The following GIPC2 variants were observed in gnomAD, a reference collection of about 807,000 sequenced individuals.
GIPC2 encodes the protein PDZ domain-containing protein GIPC2.
GIPC2 carries 30 observed loss-of-function variants against 30.6 expected under a neutral mutation model. That is an observed-to-expected ratio of 0.98 (90% CI 0.73 to 1.33). The LOEUF (loss-of-function observed/expected upper bound fraction) is 1.33. Ranked by LOEUF, GIPC2 falls within the 40% of genes most tolerant of loss-of-function variation. GIPC2 has a pLI of 0.00. For missense variants in GIPC2, 414 were observed against 390.3 expected (o/e 1.06, Z -0.51); for synonymous variants, 167 against 150.0 (o/e 1.11, Z -0.83).
At chr1:78,073,981 A>G (rs936710237) in intron 1 of GIPC2, among the ~76,000 whole-genome samples, 2 of 152,242 alleles carry the variant, frequency 1.3e-5, no homozygotes, top group African/African-American at 4.8e-5. Context: ...GCAATTTAAT[A>G]TAAATGCACA....
chr1:78,095,835 C>G lies in GIPC2; in HGVS notation c.607+703C>G, dbSNP rs957037696. Among the ~76,000 whole-genome samples the G allele has an allele frequency of 3.3e-5, 5 of 152,172 alleles. No homozygotes were observed. In the East Asian group the frequency reaches 9.6e-4, roughly 29 times the overall value. On this transcript the variant is annotated intron_variant, in intron 3 of 5. Coordinates refer to ENST00000370759, the MANE Select transcript of GIPC2 (RefSeq NM_017655.6). ...GTTAAAATATCTGTAGCAGAATCAT[C>G]TCAGGCTTGCTGTTACTCATCATGA...
chr1:78,121,541 TTAG>T (rs1662683346), intron 4 of GIPC2, among the ~76,000 whole-genome samples: 1 of 152,142 alleles, frequency 6.6e-6, no homozygotes, highest in African/African-American at 2.4e-5. Flanking sequence ...AAGGCTGTCC[TTAG>T]GAATGTCGAG....
At chr1:78,073,447 A>G (rs903206070) in intron 1 of GIPC2, among the ~76,000 whole-genome samples, 3 of 152,140 alleles carry the variant, frequency 2.0e-5, no homozygotes, top group Non-Finnish European at 4.4e-5. Context: ...TATTTCTATA[A>G]TGTTTATTTG....
chr1:78,128,626 G>A (rs1298895326), intron 5 of GIPC2, among the ~76,000 whole-genome samples: 1 of 152,130 alleles, frequency 6.6e-6, no homozygotes, highest in Non-Finnish European at 1.5e-5. Flanking sequence ...ATGTATATAT[G>A]TGTACATGAA....
At chr1:78,101,879 C>T (rs1662256869) in intron 3 of GIPC2, among the ~76,000 whole-genome samples, 1 of 152,182 alleles carries the variant, frequency 6.6e-6, no homozygotes, top group South Asian at 2.1e-4. Context: ...AATCCCTCTT[C>T]CATTTAAATG....
At chr1:78,122,076 G>A (rs1283071433) in intron 4 of GIPC2, among the ~76,000 whole-genome samples, 1 of 152,182 alleles carries the variant, frequency 6.6e-6, no homozygotes, top group African/African-American at 2.4e-5. Flanking sequence ...CTGTGGCAAA[G>A]GTGCCTGAAT....
At chr1:78,125,831 A>G in intron 4 of GIPC2, 50 bp from the exon 5 acceptor site, 13 of 996,366 alleles carry the variant, frequency 1.3e-5, no homozygotes, top group Non-Finnish European at 1.9e-5. Context: ...TGCCCTGACA[A>G]TCAAGAGATT....
At chr1:78,121,106 A>G (rs938647725) in intron 4 of GIPC2, among the ~76,000 whole-genome samples, 5 of 152,176 alleles carry the variant, frequency 3.3e-5, no homozygotes, top group Admixed American at 2.0e-4. Flanking sequence ...GACTTTGTCT[A>G]TATATAGGTC....
chr1:78,134,029 T>C (rs1430116221), intron 5 of GIPC2, among the ~76,000 whole-genome samples: 2 of 152,140 alleles, frequency 1.3e-5, no homozygotes, highest in East Asian at 3.8e-4. Context: ...ATCTGCCATT[T>C]TTCTGAGGAA....
intron 3 of GIPC2, among the ~76,000 whole-genome samples, chr1:78,117,604 T>G (rs572219780): frequency 6.6e-6 from 1 of 152,128 alleles, no homozygotes; most frequent in African/African-American, 2.4e-5. Context: ...GGCTGTAAGG[T>G]AATGCTGTGT....
chr1:78,094,810 C>T (rs1314850111), intron 2 of GIPC2, 142 bp from the exon 3 acceptor site: 4 of 557,054 alleles, frequency 7.2e-6, no homozygotes, highest in Non-Finnish European at 1.3e-5. Context: ...TTTTTTAAAC[C>T]TGTAGCATCT....
chr1:78,112,526 C>G (rs765931395), intron 3 of GIPC2: 1 of 519,044 alleles, frequency 1.9e-6, no homozygotes, highest in Admixed American at 1.9e-5. Context: ...AGGTGCTGCT[C>G]CATACTCCAG....
chr1:78,116,124 A>G (rs1417655938), intron 3 of GIPC2, among the ~76,000 whole-genome samples: 1 of 152,206 alleles, frequency 6.6e-6, no homozygotes, highest in African/African-American at 2.4e-5. Context: ...GGCATGTCTT[A>G]TATGGCAACA....
chr1:78,045,628 C>G (rs1456056041), upstream of GIPC2: 1 of 985,270 alleles, frequency 1.0e-6, no homozygotes, highest in Non-Finnish European at 1.2e-6. Flanking sequence ...AAAATGCAGA[C>G]GAAGGTTGAC....
intron 1 of GIPC2, among the ~76,000 whole-genome samples, chr1:78,065,364 A>G (rs886738473): frequency 6.6e-6 from 1 of 152,182 alleles, no homozygotes; most frequent in African/African-American, 2.4e-5. Context: ...CAGGGAGGTG[A>G]AAGATCTCTA....
At chr1:78,115,409 T>C (rs595384) in intron 3 of GIPC2, among the ~76,000 whole-genome samples, 33,037 of 152,048 alleles carry the variant, frequency 0.22, 4,054 homozygotes, top group East Asian at 0.61. Context: ...TTGGTGAAAT[T>C]GCAGTAGGGT....
intron 3 of GIPC2, chr1:78,112,643 A>G: frequency 2.0e-6 from 1 of 490,276 alleles, no homozygotes; most frequent in Admixed American, 2.1e-5. Context: ...TGAGGATCTA[A>G]GCCGTGTTGC....
chr1:78,094,822 A>G (rs527759555), intron 2 of GIPC2, 130 bp from the exon 3 acceptor site: 1 of 594,586 alleles, frequency 1.7e-6, no homozygotes, highest in African/African-American at 1.8e-5. Context: ...GTAGCATCTG[A>G]TATTCCCAGG....
chr1:78,077,836 C>G (rs1661743580), intron 1 of GIPC2, among the ~76,000 whole-genome samples: 1 of 152,132 alleles, frequency 6.6e-6, no homozygotes, highest in Non-Finnish European at 1.5e-5. Context: ...TTCCTTCTGA[C>G]TTAAATGTTC....
Sources: gnomAD v4.1 joint callset for allele counts (sites outside exome capture counted in the v4.1 genomes callset) on GRCh38, gnomAD v4.1.1 for gene constraint, MANE v1.5 for transcripts, NCBI Gene and HGNC (gene_info 2026-07-23, HGNC 2026-07-21) for gene names.